MAMLD1: variants seen among roughly 807,000 people sequenced by gnomAD.
MAMLD1 encodes mastermind like domain containing 1, also known as mastermind-like domain-containing protein 1.
MAMLD1 carries 14 observed loss-of-function variants against 45.0 expected under a neutral mutation model. That is an observed-to-expected ratio of 0.31 (90% CI 0.21 to 0.49). The LOEUF (loss-of-function observed/expected upper bound fraction) is 0.49, where lower values mean the gene tolerates loss of function less well. MAMLD1 is among the 20% of genes least tolerant of loss of function. MAMLD1 has a pLI of 0.99. For missense variants in MAMLD1, 543 were observed against 603.6 expected (o/e 0.90, Z 1.05); for synonymous variants, 254 against 247.8 (o/e 1.02, Z -0.24).
At chrX:150,393,557 C>T (rs2033278526) in intron 1 of MAMLD1, among the ~76,000 whole-genome samples, 2 of 112,291 alleles carry the variant, frequency 1.8e-5, no homozygotes, top group Admixed American at 1.9e-4. Flanking sequence ...CGCATTCCCA[C>T]CAGCAATGAA....
intron 6 of MAMLD1, among the ~76,000 whole-genome samples, chrX:150,507,193 G>A (rs183619373): frequency 1.8e-4 from 20 of 112,473 alleles, no homozygotes; most frequent in Non-Finnish European, 2.8e-4. Flanking sequence ...GGCCTAGGCT[G>A]TCCTTCATAA....
At chrX:150,382,880 A>ATTTTTTTTTTTTTTTTTTTTTTTT (rs1353229416) in intron 1 of MAMLD1, among the ~76,000 whole-genome samples, 3 of 31,376 alleles carry the variant, frequency 9.6e-5, no homozygotes, top group African/African-American at 2.8e-4. Flanking sequence ...GTCCCATTTT[A>ATTTTTTTTTTTTTTTTTTTTTTTT]TTTTATTTTT....
chrX:150,417,668 C>T (rs1238253052), intron 1 of MAMLD1, among the ~76,000 whole-genome samples: 3 of 105,689 alleles, frequency 2.8e-5, no homozygotes, highest in African/African-American at 1.0e-4. Context: ...CTCTCCAGCA[C>T]CTGTTGTTTC....
intron 3 of MAMLD1, among the ~76,000 whole-genome samples, chrX:150,468,096 G>A (rs2036281084): frequency 8.9e-6 from 1 of 112,114 alleles, no homozygotes; most frequent in Admixed American, 9.4e-5. Context: ...TTGAGAATCA[G>A]CCATGGAGCT....
chrX:150,371,379 C>T (rs1042719163), intron 1 of MAMLD1, among the ~76,000 whole-genome samples: 3 of 111,287 alleles, frequency 2.7e-5, no homozygotes, highest in African/African-American at 9.8e-5. Context: ...GCAGGCCAGC[C>T]GTTGATTTTT....
intron 1 of MAMLD1, among the ~76,000 whole-genome samples, chrX:150,387,648 A>G (rs969204062): frequency 3.6e-5 from 4 of 111,823 alleles, no homozygotes; most frequent in Non-Finnish European, 7.5e-5. Context: ...GAGGATTGTA[A>G]AATATTATCT....
chrX:150,404,011 GA>G (rs1480769996), intron 1 of MAMLD1, among the ~76,000 whole-genome samples: 2 of 80,765 alleles, frequency 2.5e-5, no homozygotes, highest in African/African-American at 9.9e-5. Flanking sequence ...AAGGAAGGAA[GA>G]AAGAAGAAGG....
At chrX:150,424,452 A>T (rs2034636090) in intron 1 of MAMLD1, among the ~76,000 whole-genome samples, 3 of 112,348 alleles carry the variant, frequency 2.7e-5, no homozygotes, top group Admixed American at 9.4e-5. Context: ...ACCAGAGCTT[A>T]GAATATTCCT....
intron 1 of MAMLD1, among the ~76,000 whole-genome samples, chrX:150,435,807 T>A (rs984448155): frequency 8.9e-6 from 1 of 112,470 alleles, no homozygotes; most frequent in Non-Finnish European, 1.9e-5. Context: ...TGCTTTATAG[T>A]GTCACTGGTC....
chrX:150,481,457 G>T (rs1229519299), intron 5 of MAMLD1, among the ~76,000 whole-genome samples: 1 of 112,385 alleles, frequency 8.9e-6, no homozygotes, highest in Non-Finnish European at 1.9e-5. Flanking sequence ...GTGGAAAAAA[G>T]TACGGCAGTT....
intron 1 of MAMLD1, among the ~76,000 whole-genome samples, chrX:150,387,619 C>T (rs1456297635): frequency 8.9e-6 from 1 of 111,856 alleles, no homozygotes; most frequent in Non-Finnish European, 1.9e-5. Context: ...CTGGAACCAA[C>T]CCTTCATGTA....
chrX:150,396,359 T>C (rs2033420127), intron 1 of MAMLD1, among the ~76,000 whole-genome samples: 1 of 109,993 alleles, frequency 9.1e-6, no homozygotes, highest in Non-Finnish European at 1.9e-5. Flanking sequence ...CTGATTTTGC[T>C]GCAGTACACA....
chrX:150,487,724 C>T (rs2037040680), intron 5 of MAMLD1, among the ~76,000 whole-genome samples: 1 of 112,107 alleles, frequency 8.9e-6, no homozygotes, highest in Non-Finnish European at 1.9e-5. Flanking sequence ...CAAGGAGCCT[C>T]CTCTAACCAA....
chrX:150,503,651 T>C (rs1320518853), intron 6 of MAMLD1, 134 bp downstream of exon 6: 8 of 497,202 alleles, frequency 1.6e-5, no homozygotes, highest in Non-Finnish European at 2.5e-5. Flanking sequence ...TAAAGCTCTG[T>C]CCACCCATGA....
At chrX:150,481,134 A>G (rs2036739910) in intron 5 of MAMLD1, among the ~76,000 whole-genome samples, 1 of 113,011 alleles carries the variant, frequency 8.8e-6, no homozygotes, top group South Asian at 3.6e-4. Flanking sequence ...ATTTATTTCC[A>G]TGTGACAAAG....
At chrX:150,369,926 T>C (rs2031828388) in intron 1 of MAMLD1, among the ~76,000 whole-genome samples, 1 of 109,289 alleles carries the variant, frequency 9.2e-6, no homozygotes, top group Non-Finnish European at 1.9e-5. Flanking sequence ...TTGATGTTAA[T>C]ATTGATTTTT....
intron 1 of MAMLD1, among the ~76,000 whole-genome samples, chrX:150,431,774 T>C (rs1467064399): frequency 4.6e-5 from 5 of 109,788 alleles, no homozygotes; most frequent in African/African-American, 1.7e-4. Context: ...AGCTGCATGG[T>C]ATTTCACAGT....
rs782288545 is a variant in MAMLD1 at position 150,423,384 on chromosome X, GTT to G, written c.-63-22068_-63-22067del. 1.3e-3 allele frequency among the ~76,000 whole-genome samples: 142 copies of G among 106,713 alleles called. 2 individuals are homozygous for G. Among genetic ancestry groups the G allele is most frequent in the East Asian group, 6.9e-3 (24 of 3,470 alleles). 92.7% of individuals were successfully genotyped at this position (106,713 alleles called of 115,157 possible). On this transcript the variant is annotated intron_variant, in intron 1 of 7. Transcript: ENST00000370401. ...TGTGTGTGTGTGTGTGTGTGTGTGT[GTT>G]TGCACCTTTGGGGCTACGGTTGAGC... is the stretch of plus-strand genomic sequence containing the variant.
chrX:150,480,930 T>A (rs782045433), intron 5 of MAMLD1, among the ~76,000 whole-genome samples: 2 of 112,516 alleles, frequency 1.8e-5, no homozygotes, highest in Non-Finnish European at 3.8e-5. Flanking sequence ...CGGCCAGCTT[T>A]TTCCCCTGTA....
Sources: gnomAD v4.1 joint callset for allele counts (sites outside exome capture counted in the v4.1 genomes callset) on GRCh38, gnomAD v4.1.1 for gene constraint, MANE v1.5 for transcripts, NCBI Gene and HGNC (gene_info 2026-07-23, HGNC 2026-07-21) for gene names.